CPT1A: variants seen among roughly 807,000 people sequenced by gnomAD.
CPT1A encodes carnitine O-palmitoyltransferase 1, liver isoform.
Under a neutral mutation model 100.8 loss-of-function variants are expected in CPT1A, and 64 were observed. The observed-to-expected ratio is 0.63, with a 90% CI of 0.52 to 0.78. The LOEUF (loss-of-function observed/expected upper bound fraction) is 0.78, where lower values mean the gene tolerates loss of function less well. Among genes scored for constraint, CPT1A ranks in the 30% least tolerant of loss-of-function variants. The pLI is 0.00. For synonymous variants in CPT1A, 363 were observed against 396.0 expected (o/e 0.92, Z 0.99); for missense variants, 802 against 1,034.1 (o/e 0.78, Z 3.08).
chr11:68,773,288 C>T lies in CPT1A; in HGVS notation c.1717G>A (p.Ala573Thr). 1.2e-6 allele frequency: 2 copies of T among 1,614,154 alleles called. No homozygotes were observed. The highest frequency in any genetic ancestry group is 1.7e-6 in the Non-Finnish European group (2 of 1,180,032). Reference protein sequence around the residue: ...RTSPDAFVQLALQLAHYKDMG... With the variant: ...RTSPDAFVQLTLQLAHYKDMG... ...ACCTTGTAGTGCGCCAGCTGGAGGGCCAGCTGCACAAAGGCGTCTGGGCTC... is the reference window on the plus strand; with the variant it reads ...ACCTTGTAGTGCGCCAGCTGGAGGGTCAGCTGCACAAAGGCGTCTGGGCTC... The change falls in exon 14 of 19, where the codon GCC (alanine) becomes ACC (threonine). Residue 573 changes from alanine to threonine, a missense_variant. Transcript: ENST00000265641.
chr11:68,804,577 G>A (rs969246213), intron 4 of CPT1A, among the ~76,000 whole-genome samples: 8 of 152,176 alleles, frequency 5.3e-5, no homozygotes, highest in Admixed American at 5.2e-4. Context: ...AACATAGTGA[G>A]ACCCTATGTC....
chr11:68,833,860 A>G (rs1856944058), intron 1 of CPT1A, among the ~76,000 whole-genome samples: 1 of 152,032 alleles, frequency 6.6e-6, no homozygotes, highest in Admixed American at 6.6e-5. Flanking sequence ...GATTTTCATT[A>G]TTATTTTTTT....
Position 68,760,345 on chromosome 11 carries a change from A to G in CPT1A, c.2029-7T>C. ...TCCAAGGCTCAGATAAAACCTATTG[A>G]GTGAAACAGGGAAATGTTTCCTAAT... On this transcript the variant is annotated splice_region_variant and splice_polypyrimidine_tract_variant and intron_variant, in intron 16 of 18. Transcript: ENST00000265641. 1 of 1,603,118 alleles carries G rather than the reference A, an allele frequency of 6.2e-7. No homozygotes were observed. The highest frequency in any genetic ancestry group is 1.1e-5 in the South Asian group (1 of 89,592).
At chr11:68,810,051 G>A (rs776769660) in intron 3 of CPT1A, among the ~76,000 whole-genome samples, 19 of 152,128 alleles carry the variant, frequency 1.2e-4, no homozygotes, top group Non-Finnish European at 2.2e-4. Flanking sequence ...GGTGGCATGT[G>A]CCTGCAGTCC....
chr11:68,791,369 A>C lies in CPT1A; in HGVS notation c.967+1946T>G, dbSNP rs189721311. Reference sequence around the variant, plus strand: ...CACTGTGAGAGGATGGAGAGAACCAACTTCACTTTCCTCCACCTCGTTGCC... The same window carrying C: ...CACTGTGAGAGGATGGAGAGAACCACCTTCACTTTCCTCCACCTCGTTGCC... On this transcript the variant is annotated intron_variant, in intron 9 of 18. Transcript: ENST00000265641. Among the ~76,000 whole-genome samples, 45 of 152,242 alleles carry C rather than the reference A, an allele frequency of 3.0e-4. 1 individual carries two copies. The highest frequency in any genetic ancestry group is 2.7e-3 in the Admixed American group (42 of 15,276).
chr11:68,757,738 G>T lies in CPT1A; in HGVS notation c.2236-8C>A. ...TCCAAAGCGATGAGAATCCTTTCAT[G>T]TAAAAACAAAAACCAAAAACCTATT... On this transcript the variant is annotated splice_polypyrimidine_tract_variant and splice_region_variant and intron_variant, in intron 18 of 18. Coordinates refer to ENST00000265641, the MANE Select transcript of CPT1A (RefSeq NM_001876.4). 6.2e-7 allele frequency: 1 copy of T among 1,613,366 alleles called. No individual in the cohort carries two copies. The highest frequency in any genetic ancestry group is 8.5e-7 in the Non-Finnish European group (1 of 1,179,690).
chr11:68,774,224 C>T (rs1475720291), intron 13 of CPT1A, among the ~76,000 whole-genome samples: 11 of 152,166 alleles, frequency 7.2e-5, no homozygotes, highest in African/African-American at 2.7e-4. Flanking sequence ...GTCTCTCCTG[C>T]CTTCTGCCCC....
intron 12 of CPT1A, among the ~76,000 whole-genome samples, chr11:68,780,065 G>C (rs774943895): frequency 6.6e-6 from 1 of 152,178 alleles, no homozygotes; most frequent in Non-Finnish European, 1.5e-5. Flanking sequence ...GTGAAGCTGC[G>C]GCCTGAGAGT....
rs141028307 is a variant in CPT1A at position 68,817,588 on chromosome 11, A to G, written c.-13-2101T>C. Among the ~76,000 whole-genome samples, 408 of 152,038 alleles carry G rather than the reference A, an allele frequency of 2.7e-3. 2 individuals are homozygous for G. Among genetic ancestry groups the G allele is most frequent in the African/African-American group, 9.3e-3 (385 of 41,458 alleles). ...AGCCAGGAGAAGGAGCAACCATGGGAAGAGCAGGCAAGAGCTGGAGGCAGG... is the reference window on the plus strand; with the variant it reads ...AGCCAGGAGAAGGAGCAACCATGGGGAGAGCAGGCAAGAGCTGGAGGCAGG... On this transcript the variant is annotated intron_variant, in intron 1 of 18. Coordinates refer to ENST00000265641, the MANE Select transcript of CPT1A (RefSeq NM_001876.4).
chr11:68,789,288 G>A (rs2153999047), intron 9 of CPT1A, among the ~76,000 whole-genome samples: 1 of 152,290 alleles, frequency 6.6e-6, no homozygotes, highest in African/African-American at 2.4e-5. Context: ...TCTAATTAGT[G>A]AGGATTGTGA....
intron 2 of CPT1A, among the ~76,000 whole-genome samples, chr11:68,813,884 T>C (rs928263600): frequency 2.6e-5 from 4 of 152,128 alleles, no homozygotes; most frequent in Admixed American, 6.6e-5. Context: ...GTTATTTATC[T>C]GGGCCCAAGA....
In CPT1A at chr11:68,841,036, G is replaced by A. The variant is rs991672910; in HGVS notation, c.-14+739C>T. On this transcript the variant is annotated intron_variant, in intron 1 of 18. Transcript: ENST00000265641. This position sits in a 1 kb window ranked among gnomAD's most constrained non-coding sequence, Gnocchi z 6.3. ...CCTCATCCTGCTCACGGCAGCGCTC[G>A]GACCGCGCCTGGAGTCCCTGCGCCA... Among the ~76,000 whole-genome samples the A allele has an allele frequency of 6.6e-6, 1 of 152,244 alleles. No homozygotes were observed. Among genetic ancestry groups the A allele is most frequent in the Non-Finnish European group, 1.5e-5 (1 of 68,028 alleles).
At chr11:68,759,512 A>G in intron 18 of CPT1A, 57 bp downstream of exon 18, 1 of 1,145,446 alleles carries the variant, frequency 8.7e-7, no homozygotes, top group Non-Finnish European at 1.3e-6. Flanking sequence ...GTTTCCTTAA[A>G]AAGAATAAAG....
chr11:68,788,630 TAAAAAA>T, intron 9 of CPT1A, among the ~76,000 whole-genome samples: 3 of 27,548 alleles, frequency 1.1e-4, no homozygotes, highest in South Asian at 3.0e-3. Context: ...CAAACAAAAG[TAAAAAA>T]AAAAAAAAAA....
upstream of CPT1A, among the ~76,000 whole-genome samples, chr11:68,843,768 C>T (rs1857201972): frequency 6.6e-6 from 1 of 152,256 alleles, no homozygotes; most frequent in Admixed American, 6.5e-5. The surrounding 1 kb of genome is among the most constrained non-coding windows in gnomAD (Gnocchi z 4.0). Flanking sequence ...GGCCAGTGGG[C>T]TGGGCCAGGG....
At chr11:68,773,196 G>A in intron 14 of CPT1A, 69 bp downstream of exon 14, 4 of 1,605,884 alleles carry the variant, frequency 2.5e-6, no homozygotes, top group East Asian at 2.2e-5. Context: ...CCCACTGGGT[G>A]AACAGTCTTG....
intron 1 of CPT1A, among the ~76,000 whole-genome samples, chr11:68,823,587 G>A (rs1055800177): frequency 3.3e-5 from 5 of 151,852 alleles, no homozygotes; most frequent in Non-Finnish European, 5.9e-5. Context: ...TCAGGAGTTC[G>A]AGAACAGCCT....
rs755900833 is a variant in CPT1A at position 68,796,899 on chromosome 11, C to T, written c.728G>A (p.Arg243Gln). 7.4e-6 allele frequency: 12 copies of T among 1,614,100 alleles called. No individual in the cohort carries two copies. Among genetic ancestry groups the T allele is most frequent in the South Asian group, 3.3e-5 (3 of 91,058 alleles). The change falls in exon 7 of 19, where the codon CGA becomes CAA. Residue 243 changes from arginine (R) to glutamine (Q), a missense_variant. Transcript: ENST00000265641. ...GTTCACCATGAGCGGCCCTCGTCCT[C>T]GGAGGTAGATGTACTCCTCCCACCA... ...SDWWEEYIYL[R>Q]GRGPLMVNSN...
intron 1 of CPT1A, among the ~76,000 whole-genome samples, chr11:68,835,595 C>T (rs1856989442): frequency 6.6e-6 from 1 of 152,168 alleles, no homozygotes; most frequent in South Asian, 2.1e-4. Flanking sequence ...ATTGGATCCT[C>T]ACAAAACTCG....
Sources: gnomAD v4.1 joint callset for allele counts (sites outside exome capture counted in the v4.1 genomes callset) on GRCh38, gnomAD v4.1.1 for gene constraint, Gnocchi (gnomAD v3.1) non-coding constraint, MANE v1.5 for transcripts, NCBI Gene and HGNC (gene_info 2026-07-23, HGNC 2026-07-21) for gene names.